The following ATOSA variants were observed in gnomAD, a reference collection of about 807,000 sequenced individuals.
The protein encoded by ATOSA is atos homolog protein A.
the ATOSA span, among the ~76,000 whole-genome samples, chr15:52,619,639 C>T: frequency 2.2e-4 from 33 of 152,048 alleles, no homozygotes; most frequent in African/African-American, 8.0e-4. Context: ...TCGAGACCAG[C>T]CTGACCAATA....
chr15:52,692,267 GA>G, the ATOSA span, among the ~76,000 whole-genome samples: 3 of 152,142 alleles, frequency 2.0e-5, no homozygotes, highest in South Asian at 6.2e-4. Flanking sequence ...TCTGAATAAA[GA>G]AAATAGAAAG....
chr15:52,640,571 CAAAAAAAAAAAAAA>C, the ATOSA span, among the ~76,000 whole-genome samples: 13 of 27,574 alleles, frequency 4.7e-4, no homozygotes, highest in Admixed American at 5.6e-3. Context: ...ACTCAAGTCT[CAAAAAAAAAAAAAA>C]AAAAAAAAAA....
the ATOSA span, among the ~76,000 whole-genome samples, chr15:52,668,748 G>GA: frequency 2.0e-5 from 3 of 151,924 alleles, no homozygotes; most frequent in Non-Finnish European, 2.9e-5. Context: ...ATTAAAAATA[G>GA]AAAAAAACAG....
At chr15:52,648,107 T>C in the ATOSA span, among the ~76,000 whole-genome samples, 18 of 152,288 alleles carry the variant, frequency 1.2e-4, no homozygotes, top group East Asian at 2.7e-3. Context: ...AGAATAACTT[T>C]AAAGGAAAGT....
chr15:52,604,286 T>G, the ATOSA span, among the ~76,000 whole-genome samples: 1 of 152,240 alleles, frequency 6.6e-6, no homozygotes, highest in Non-Finnish European at 1.5e-5. Flanking sequence ...AAAATCCATT[T>G]GGAATTTTTT....
the ATOSA span, chr15:52,593,333 ATTT>A: frequency 2.4e-6 from 1 of 412,034 alleles, no homozygotes; most frequent in East Asian, 4.6e-5. Context: ...TCACTAATCA[ATTT>A]TTATCATTTT....
At chr15:52,629,620 G>A in the ATOSA span, 3 of 403,582 alleles carry the variant, frequency 7.4e-6, no homozygotes, top group Non-Finnish European at 1.5e-5. Context: ...TGGCCAACAT[G>A]GTGAAATCCT....
At chr15:52,646,532 C>T in the ATOSA span, among the ~76,000 whole-genome samples, 9 of 152,034 alleles carry the variant, frequency 5.9e-5, no homozygotes, top group Non-Finnish European at 1.2e-4. Context: ...CCATCTAGAA[C>T]GTAGGAGTCC....
chr15:52,644,890 A>G, the ATOSA span, among the ~76,000 whole-genome samples: 1 of 152,238 alleles, frequency 6.6e-6, no homozygotes, highest in Admixed American at 6.5e-5. Flanking sequence ...TTAAAGGATT[A>G]TAGATTGATC....
At chr15:52,611,388 A>G in the ATOSA span, 3 of 1,265,496 alleles carry the variant, frequency 2.4e-6, no homozygotes, top group Non-Finnish European at 3.2e-6. Flanking sequence ...TACACTTACG[A>G]TGTCACTTGA....
At chr15:52,660,649 A>G in the ATOSA span, among the ~76,000 whole-genome samples, 3 of 152,206 alleles carry the variant, frequency 2.0e-5, no homozygotes, top group East Asian at 5.8e-4. Flanking sequence ...AGAATCAAAT[A>G]CTATTTTCTT....
At chr15:52,672,083 T>C in the ATOSA span, among the ~76,000 whole-genome samples, 2 of 147,630 alleles carry the variant, frequency 1.4e-5, no homozygotes, top group African/African-American at 5.1e-5. Context: ...ACACCTGTAA[T>C]CCCAGCACTT....
the ATOSA span, among the ~76,000 whole-genome samples, chr15:52,681,911 G>A: frequency 6.6e-6 from 1 of 152,202 alleles, no homozygotes; most frequent in African/African-American, 2.4e-5. Flanking sequence ...ATACAAGGCT[G>A]TTACGATGAC....
At chr15:52,651,925 A>C in the ATOSA span, 424 of 1,535,452 alleles carry the variant, frequency 2.8e-4, 1 homozygote, top group African/African-American at 5.5e-3. Flanking sequence ...CCTTGTATAA[A>C]GGAAGTTGCC....
chr15:52,677,655 GAAC>G, the ATOSA span, among the ~76,000 whole-genome samples: 1 of 152,184 alleles, frequency 6.6e-6, no homozygotes, highest in East Asian at 1.9e-4. Flanking sequence ...AAAAGCTTAT[GAAC>G]TTCTTGAAAG....
At chr15:52,617,668 A>C in the ATOSA span, among the ~76,000 whole-genome samples, 3 of 151,476 alleles carry the variant, frequency 2.0e-5, no homozygotes, top group Non-Finnish European at 4.4e-5. Flanking sequence ...ATAACTTTTA[A>C]AACAAACTTA....
chr15:52,653,408 T>C, the ATOSA span, among the ~76,000 whole-genome samples: 1 of 152,248 alleles, frequency 6.6e-6, no homozygotes, highest in South Asian at 2.1e-4. Flanking sequence ...GCTTATTGCT[T>C]TAAAGAAATC....
At chr15:52,589,567 A>G in the ATOSA span, among the ~76,000 whole-genome samples, 1 of 152,206 alleles carries the variant, frequency 6.6e-6, no homozygotes, top group Non-Finnish European at 1.5e-5. Context: ...TTTGAAAAAA[A>G]CCATAAAGTT....
At chr15:52,608,462 TATAG>T in the ATOSA span, 7 of 1,110,020 alleles carry the variant, frequency 6.3e-6, no homozygotes, top group African/African-American at 9.6e-5. Context: ...CTGTGTGTCC[TATAG>T]ATAATGGAAC....
Sources: allele counts gnomAD v4.1 joint callset (sites outside exome capture counted in the v4.1 genomes callset), GRCh38; gene constraint gnomAD v4.1.1; transcripts MANE v1.5; gene names NCBI Gene and HGNC (gene_info 2026-07-23, HGNC 2026-07-21).